The following INTS5 variants were observed in gnomAD, a reference collection of about 807,000 sequenced individuals.
The protein encoded by INTS5 is KIAA1698.
Under a neutral mutation model 60.0 loss-of-function variants are expected in INTS5, and 29 were observed. The observed-to-expected ratio is 0.48, with a 90% CI of 0.36 to 0.66. The LOEUF (loss-of-function observed/expected upper bound fraction) is 0.66. INTS5 is among the 30% of genes least tolerant of loss of function. The pLI is 0.00. For synonymous variants in INTS5, 588 were observed against 558.8 expected, an observed-to-expected ratio of 1.05 and a Z score of -0.74; for missense variants, 1,129 against 1,307.9, an observed-to-expected ratio of 0.86 and a Z score of 2.11.
chr11:62,647,792 A>G lies in INTS5; in HGVS notation c.2288T>C (p.Phe763Ser). 6.2e-7 allele frequency: 1 copy of G among 1,614,202 alleles called. No individual in the cohort carries two copies. The highest frequency in any genetic ancestry group is 8.5e-7 in the Non-Finnish European group (1 of 1,180,030). Residue 763 changes from phenylalanine (F) to serine (S), a missense_variant, in exon 2 of 2, where the codon TTT becomes TCT. By Grantham distance (155) the Phe-to-Ser change is radical. Coordinates refer to ENST00000330574, the MANE Select transcript of INTS5 (RefSeq NM_030628.2). Reference sequence around the variant, plus strand: ...TTCCTGCTGATTTCGTGACTGGACAAACTTGGGTGGCTTTAAGCCACGGCC... The same window carrying G: ...TTCCTGCTGATTTCGTGACTGGACAGACTTGGGTGGCTTTAAGCCACGGCC... ...VIGRGLKPPK[F>S]VQSRNQQEVI...
chr11:62,647,408 G>A lies in INTS5; in HGVS notation c.2672C>T (p.Ala891Val), dbSNP rs1428139266. The A allele has an allele frequency of 4.3e-6, 7 of 1,611,614 alleles. No individual in the cohort carries two copies. The highest frequency in any genetic ancestry group is 1.7e-5 in the Admixed American group (1 of 59,968). Residue 891 changes from alanine to valine, a missense_variant, in exon 2 of 2, where the codon GCC (alanine) becomes GTC (valine). Ala to Val is a moderately conservative substitution (Grantham distance 64). Around this residue, in one of 3 missense-constraint regions of INTS5, gnomAD observed 1,070 missense variants for 1,246.1 expected, o/e 0.86. Transcript: ENST00000330574. The part of the protein sequence containing the change: ...LLAALLGHWE[A>V]SRHPDTTHSP... ...GTGGGTCGTGTCAGGGTGGCGAGAG[G>A]CTTCCCAATGGCCCAAGAGGGCGGC...
Position 62,648,629 on chromosome 11 carries a change from A to G in INTS5, c.1451T>C (p.Leu484Pro). 6.2e-7 allele frequency: 1 copy of G among 1,614,060 alleles called. No individual in the cohort carries two copies. Among genetic ancestry groups the G allele is most frequent in the Non-Finnish European group, 8.5e-7 (1 of 1,179,980 alleles). Residue 484 changes from leucine (L) to proline (P), a missense_variant, in exon 2 of 2, where the codon CTG (leucine) becomes CCG (proline). Leu to Pro is a moderately conservative substitution (Grantham distance 98). Around this residue, in one of 3 missense-constraint regions of INTS5, gnomAD observed 1,070 missense variants for 1,246.1 expected, o/e 0.86. Coordinates refer to ENST00000330574, the MANE Select transcript of INTS5 (RefSeq NM_030628.2). The surrounding 1 kb of genome is among the most constrained non-coding windows in gnomAD (Gnocchi z 4.4). Reference protein sequence around the residue: ...LDALKNHVGELCGETLRLERK... With the variant: ...LDALKNHVGEPCGETLRLERK... ...TTCCAATCGTAACGTCTCTCCACAC[A>G]GCTCTCCAACATGGTTTTTGAGCGC...
intron 1 of INTS5, among the ~76,000 whole-genome samples, chr11:62,652,901 G>A (rs566775395): frequency 6.6e-6 from 1 of 152,344 alleles, no homozygotes; most frequent in South Asian, 2.1e-4. Flanking sequence ...GTTCCCAAGA[G>A]TTCAGATACC....
Position 62,648,448 on chromosome 11 carries a change from G to C in INTS5, c.1632C>G (p.Val544=), listed in dbSNP as rs1482030155. The part of the protein sequence containing the change: ...LATQLYAGLV[V]SLSGLLPLAF... Reference sequence around the variant, plus strand: ...CCAGGGGCAGGAGGCCAGAGAGGCTGACCACTAGCCCTGCATATAACTGGG... The same window carrying C: ...CCAGGGGCAGGAGGCCAGAGAGGCTCACCACTAGCCCTGCATATAACTGGG... Residue 544 remains valine (V), a synonymous_variant, in exon 2 of 2, where the codon GTC becomes GTG. Coordinates refer to ENST00000330574, the MANE Select transcript of INTS5 (RefSeq NM_030628.2). The surrounding 1 kb of genome is among the most constrained non-coding windows in gnomAD (Gnocchi z 4.4). The C allele has an allele frequency of 1.2e-6, 2 of 1,614,168 alleles. No homozygotes were observed. Among genetic ancestry groups the C allele is most frequent in the South Asian group, 2.2e-5 (2 of 91,074 alleles).
intron 1 of INTS5, among the ~76,000 whole-genome samples, chr11:62,650,708 G>C (rs982363835): frequency 6.6e-6 from 1 of 151,696 alleles, no homozygotes; most frequent in Admixed American, 6.6e-5. Context: ...CACTGCTCCC[G>C]CCCTGTTTTT....
rs887202407 is a variant in INTS5, at chr11:62,648,363, G to A, written c.1717C>T (p.Arg573Trp). ...AGTLQPPFTA[R>W]FLRNLALLVG... ...AGCAGTGCCAAGTTGCGCAGGAACC[G>A]GGCCGTGAAGGGAGGCTGTAATGTC... Residue 573 changes from arginine (R) to tryptophan (W), a missense_variant, in exon 2 of 2, where the codon CGG becomes TGG. Physicochemically the swap from Arg to Trp is moderately radical, Grantham distance 101. Around this residue, in one of 3 missense-constraint regions of INTS5, gnomAD observed 1,070 missense variants for 1,246.1 expected, o/e 0.86. Transcript: ENST00000330574. The surrounding 1 kb of genome is among the most constrained non-coding windows in gnomAD (Gnocchi z 4.4). 3.7e-6 allele frequency: 6 copies of A among 1,614,036 alleles called. No homozygotes were observed. Among genetic ancestry groups the A allele is most frequent in the South Asian group, 2.2e-5 (2 of 91,090 alleles).
In INTS5 at chr11:62,647,085, G is replaced by A. The variant is rs1208348938; in HGVS notation, c.2995C>T (p.Leu999=). The A allele has an allele frequency of 1.2e-5, 19 of 1,614,180 alleles. No individual in the cohort carries two copies. Among genetic ancestry groups the A allele is most frequent in the Non-Finnish European group, 1.6e-5 (19 of 1,180,032 alleles). ...TGGAAACGGCCAGAGAAAAGACCTA[G>A]GCGGTCGATGTTGCGGTGGAGGACA... ...HSVLHRNIDR[L]GLFSGRFQAP... The change falls in exon 2 of 2, where the codon CTA becomes TTA. Residue 999 remains leucine (L), a synonymous_variant. Transcript: ENST00000330574.
intron 1 of INTS5, among the ~76,000 whole-genome samples, chr11:62,650,904 T>G (rs1295449273): frequency 2.6e-5 from 4 of 152,106 alleles, no homozygotes; most frequent in Non-Finnish European, 5.9e-5. Context: ...AAATGAGGTC[T>G]GGCTATGTTC....
Position 62,648,177 on chromosome 11 carries a change from G to C in INTS5, c.1903C>G (p.Pro635Ala). Residue 635 changes from proline to alanine, a missense_variant, in exon 2 of 2, where the codon CCT becomes GCT. Pro to Ala is a conservative substitution (Grantham distance 27, BLOSUM62 -1). Around this residue, in one of 3 missense-constraint regions of INTS5, gnomAD observed 1,070 missense variants for 1,246.1 expected, o/e 0.86. Transcript: ENST00000330574. The surrounding 1 kb of genome is among the most constrained non-coding windows in gnomAD (Gnocchi z 4.4). ...TGGGAGGGGGATAAGGCTTCAGAAG[G>C]AAAGGGACAAATGGCCAGGAGAGAG... is the stretch of plus-strand genomic sequence containing the variant. The part of the protein sequence containing the change: ...AASLLAICPF[P>A]SEALSPSQLL... The C allele has an allele frequency of 6.2e-7, 1 of 1,613,462 alleles. No homozygotes were observed. Among genetic ancestry groups the C allele is most frequent in the Non-Finnish European group, 8.5e-7 (1 of 1,179,614 alleles).
Position 62,648,356 on chromosome 11 carries a change from A to G in INTS5, c.1724T>C (p.Leu575Pro). Residue 575 changes from leucine to proline, a missense_variant, in exon 2 of 2, where the codon CTG becomes CCG. Transcript: ENST00000330574. This position sits in a 1 kb window ranked among gnomAD's most constrained non-coding sequence, Gnocchi z 4.4. The stretch of plus-strand genomic sequence containing the variant: ...CCCTACTAGCAGTGCCAAGTTGCGC[A>G]GGAACCGGGCCGTGAAGGGAGGCTG... ...TLQPPFTARF[L>P]RNLALLVGWE... The G allele has an allele frequency of 6.2e-7, 1 of 1,614,046 alleles. No homozygotes were observed. The highest frequency in any genetic ancestry group is 8.5e-7 in the Non-Finnish European group (1 of 1,179,994).
Position 62,649,271 on chromosome 11 carries a change from G to T in INTS5, c.809C>A (p.Thr270Asn), listed in dbSNP as rs1326451695. Residue 270 changes from threonine to asparagine, a missense_variant, in exon 2 of 2, where the codon ACC (threonine) becomes AAC (asparagine). By Grantham distance (65) the Thr-to-Asn change is moderately conservative. Around this residue, in one of 3 missense-constraint regions of INTS5, gnomAD observed 1,070 missense variants for 1,246.1 expected, o/e 0.86. Transcript: ENST00000330574. This position sits in a 1 kb window ranked among gnomAD's most constrained non-coding sequence, Gnocchi z 6.0. ...AGSSGGSSSQ[T>N]PSTDPFPGSP... ...TCCAGGGAAGGGGTCTGTAGAGGGGGTCTGAGAAGAGCTTCCACCACTACT... is the reference window on the plus strand; with the variant it reads ...TCCAGGGAAGGGGTCTGTAGAGGGGTTCTGAGAAGAGCTTCCACCACTACT... 3 of 1,614,022 alleles carry T rather than the reference G, an allele frequency of 1.9e-6. No homozygotes were observed. The highest frequency in any genetic ancestry group is 2.5e-6 in the Non-Finnish European group (3 of 1,180,024).
At chr11:62,653,056 G>A (rs143494090) in intron 1 of INTS5, 114 bp downstream of exon 1, 4 of 656,218 alleles carry the variant, frequency 6.1e-6, no homozygotes, top group African/African-American at 3.8e-5. Flanking sequence ...ACCTGACCAA[G>A]AATCTGAGAA....
In INTS5 at chr11:62,648,336, C is replaced by A. The variant is rs759235541; in HGVS notation, c.1744G>T (p.Val582Leu). The A allele has an allele frequency of 1.9e-5, 31 of 1,613,882 alleles. No homozygotes were observed. The highest frequency in any genetic ancestry group is 2.3e-5 in the Non-Finnish European group (27 of 1,180,020). Reference sequence around the variant, plus strand: ...TCGCCACCCTGCTGTTCCCACCCTACTAGCAGTGCCAAGTTGCGCAGGAAC... The same window carrying A: ...TCGCCACCCTGCTGTTCCCACCCTAATAGCAGTGCCAAGTTGCGCAGGAAC... Reference protein sequence around the residue: ...ARFLRNLALLVGWEQQGGEGP... With the variant: ...ARFLRNLALLLGWEQQGGEGP... Residue 582 changes from valine (V) to leucine (L), a missense_variant, in exon 2 of 2, where the codon GTA becomes TTA. Val to Leu is a conservative substitution (Grantham distance 32). This residue lies in a region of INTS5 where 1,070 missense variants were observed against 1,246.1 expected (regional missense o/e 0.86). Coordinates refer to ENST00000330574, the MANE Select transcript of INTS5 (RefSeq NM_030628.2). This position sits in a 1 kb window ranked among gnomAD's most constrained non-coding sequence, Gnocchi z 4.4.
At position 62,649,942 on chromosome 11, in the gene INTS5, C is replaced by T; in HGVS notation, c.138G>A (p.Leu46=). Residue 46 remains leucine (L), a synonymous_variant, in exon 2 of 2, where the codon CTG becomes CTA. Transcript: ENST00000330574. The surrounding 1 kb of genome is among the most constrained non-coding windows in gnomAD (Gnocchi z 6.0). ...KAFLTGVDPI[L]GHQLSAREHA... The stretch of plus-strand genomic sequence containing the variant: ...GTTCCCGGGCTGAGAGTTGGTGGCC[C>T]AGAATGGGGTCTACGCCAGTCAGAA... The T allele has an allele frequency of 6.2e-7, 1 of 1,614,148 alleles. No homozygotes were observed. Among genetic ancestry groups the T allele is most frequent in the Non-Finnish European group, 8.5e-7 (1 of 1,180,018 alleles).
In INTS5 at chr11:62,648,551, G is replaced by A. The variant is rs1448234718; in HGVS notation, c.1529C>T (p.Thr510Ile). Reference protein sequence around the residue: ...HQLLGLLSVYTRPSCGPEALG... With the variant: ...HQLLGLLSVYIRPSCGPEALG... ...GGCCTCAGGTCCACAGCTAGGCCGG[G>A]TATAGACAGACAGCAGGCCCAAGAG... Residue 510 changes from threonine to isoleucine, a missense_variant, in exon 2 of 2, where the codon ACC becomes ATC. Coordinates refer to ENST00000330574, the MANE Select transcript of INTS5 (RefSeq NM_030628.2). This position sits in a 1 kb window ranked among gnomAD's most constrained non-coding sequence, Gnocchi z 4.4. The A allele has an allele frequency of 2.5e-6, 4 of 1,614,042 alleles. No homozygotes were observed. The highest frequency in any genetic ancestry group is 1.6e-4 in the Middle Eastern group (1 of 6,084).
At position 62,648,803 on chromosome 11, in the gene INTS5, G is replaced by C; in HGVS notation, c.1277C>G (p.Ala426Gly). Reference protein sequence around the residue: ...PASVITTQGLAVPDTVREACD... With the variant: ...PASVITTQGLGVPDTVREACD... ...AGCCTCACGCACGGTGTCTGGCACA[G>C]CCAGGCCCTGGGTGGTAATGACCGA... Residue 426 changes from alanine to glycine, a missense_variant, in exon 2 of 2, where the codon GCT becomes GGT. This residue lies in a region of INTS5 where 1,070 missense variants were observed against 1,246.1 expected (regional missense o/e 0.86). Transcript: ENST00000330574. The surrounding 1 kb of genome is among the most constrained non-coding windows in gnomAD (Gnocchi z 4.4). The C allele has an allele frequency of 5.0e-6, 8 of 1,614,186 alleles. No homozygotes were observed. Among genetic ancestry groups the C allele is most frequent in the Non-Finnish European group, 6.8e-6 (8 of 1,180,040 alleles).
At position 62,648,913 on chromosome 11, in the gene INTS5, G is replaced by A. The variant is rs1320194607; in HGVS notation, c.1167C>T (p.Asn389=). 2.5e-6 allele frequency: 4 copies of A among 1,613,364 alleles called. No homozygotes were observed. The highest frequency in any genetic ancestry group is 1.7e-6 in the Non-Finnish European group (2 of 1,179,632). The part of the protein sequence containing the change: ...FPREELDNML[N]LAVHLVSQAS... ...CCTGGCTCACCAGGTGCACAGCCAGGTTCAACATGTTGTCCAGCTCCTCTC... is the reference window on the plus strand; with the variant it reads ...CCTGGCTCACCAGGTGCACAGCCAGATTCAACATGTTGTCCAGCTCCTCTC... The change falls in exon 2 of 2, where the codon AAC becomes AAT. Residue 389 remains asparagine, a synonymous_variant. Transcript: ENST00000330574. The surrounding 1 kb of genome is among the most constrained non-coding windows in gnomAD (Gnocchi z 4.4).
rs1944571125 is a variant in INTS5, at chr11:62,648,815, G to C, written c.1265C>G (p.Thr422Ser). ...DTAMPASVIT[T>S]QGLAVPDTVR... ...GGTGTCTGGCACAGCCAGGCCCTGG[G>C]TGGTAATGACCGAAGCAGGCATAGC... Residue 422 changes from threonine to serine, a missense_variant, in exon 2 of 2, where the codon ACC becomes AGC. Physicochemically the swap from Thr to Ser is moderately conservative, Grantham distance 58. Around this residue, in one of 3 missense-constraint regions of INTS5, gnomAD observed 1,070 missense variants for 1,246.1 expected, o/e 0.86. Transcript: ENST00000330574. This position sits in a 1 kb window ranked among gnomAD's most constrained non-coding sequence, Gnocchi z 4.4. The C allele has an allele frequency of 6.2e-7, 1 of 1,614,138 alleles. No homozygotes were observed. The highest frequency in any genetic ancestry group is 2.2e-5 in the East Asian group (1 of 44,890).
chr11:62,648,107 G>A lies in INTS5; in HGVS notation c.1973C>T (p.Ser658Phe), dbSNP rs781571911. The A allele has an allele frequency of 2.5e-6, 4 of 1,614,096 alleles. No individual in the cohort carries two copies. The highest frequency in any genetic ancestry group is 3.3e-5 in the Admixed American group (2 of 60,026). The change falls in exon 2 of 2, where the codon TCT (serine) becomes TTT (phenylalanine). Residue 658 changes from serine (S) to phenylalanine (F), a missense_variant. Around this residue, in one of 3 missense-constraint regions of INTS5, gnomAD observed 1,070 missense variants for 1,246.1 expected, o/e 0.86. Transcript: ENST00000330574. The surrounding 1 kb of genome is among the most constrained non-coding windows in gnomAD (Gnocchi z 4.4). ...ACCTGGGGGTCCATGCAGCCTCAGA[G>A]AGGCAAAGAAGCGGTGCACCCCAGC... ...VRAGVHRFFA[S>F]LRLHGPPGVA...
Sources: allele counts gnomAD v4.1 joint callset (sites outside exome capture counted in the v4.1 genomes callset), GRCh38; gene constraint gnomAD v4.1.1; regional missense constraint gnomAD v4.1.1; non-coding constraint Gnocchi (gnomAD v3.1); transcripts MANE v1.5; gene names NCBI Gene and HGNC (gene_info 2026-07-23, HGNC 2026-07-21).